Variants in PBX1 observed in about 807,000 individuals in gnomAD.
PBX1 encodes PBX homeobox 1, also known as pre-B-cell leukemia transcription factor 1.
In PBX1, 6 loss-of-function variants were observed where a neutral mutation model predicts 53.4. The ratio of observed to expected loss-of-function variants is 0.11; its 90% CI spans 0.06 to 0.22. The LOEUF (loss-of-function observed/expected upper bound fraction) is 0.22. Ranked by LOEUF, PBX1 falls within the 10% of genes least tolerant of loss-of-function variation. The probability of loss-of-function intolerance (pLI) is 1.00; values close to 1 mark genes in which losing one functional copy is unlikely to be tolerated. For synonymous variants in PBX1, 204 were observed against 212.3 expected (o/e 0.96, Z 0.34); for missense variants, 251 against 551.4 (o/e 0.46, Z 5.46).
At chr1:164,724,268 G>C (rs906103188) in intron 2 of PBX1, among the ~76,000 whole-genome samples, 1 of 152,152 alleles carries the variant, frequency 6.6e-6, no homozygotes, top group Non-Finnish European at 1.5e-5. Context: ...TGAGCTTCCA[G>C]GCCCATGGAT....
chr1:164,736,178 C>A (rs959559652), intron 2 of PBX1, among the ~76,000 whole-genome samples: 1 of 152,216 alleles, frequency 6.6e-6, no homozygotes, highest in Non-Finnish European at 1.5e-5. Flanking sequence ...ACCCTGACTA[C>A]TTCATTACAA....
intron 2 of PBX1, among the ~76,000 whole-genome samples, chr1:164,702,700 G>C (rs550995813): frequency 6.8e-6 from 1 of 147,598 alleles, no homozygotes; most frequent in Non-Finnish European, 1.5e-5. Flanking sequence ...GAGGTGGTTG[G>C]GGGATGGAGA....
chr1:164,650,504 G>C (rs1056247441), intron 2 of PBX1, among the ~76,000 whole-genome samples: 3 of 152,252 alleles, frequency 2.0e-5, no homozygotes, highest in Admixed American at 2.0e-4. Context: ...AGGGTTACAG[G>C]TGTGAACCAC....
intron 1 of PBX1, among the ~76,000 whole-genome samples, chr1:164,561,800 G>A (rs1326010377): frequency 6.6e-6 from 1 of 152,014 alleles, no homozygotes; most frequent in African/African-American, 2.4e-5. Flanking sequence ...TCTGTAGCTG[G>A]CTCCATTTGT....
intron 8 of PBX1, among the ~76,000 whole-genome samples, chr1:164,830,699 A>G (rs1169772057): frequency 2.6e-5 from 4 of 152,308 alleles, no homozygotes; most frequent in Admixed American, 6.5e-5. Context: ...TAGGGCTTAC[A>G]TAAGATAGAG....
intron 2 of PBX1, among the ~76,000 whole-genome samples, chr1:164,620,755 T>A (rs1043029476): frequency 2.6e-5 from 4 of 152,076 alleles, no homozygotes; most frequent in Non-Finnish European, 4.4e-5. Flanking sequence ...CGATCTCGCC[T>A]CACTGCAACC....
At chr1:164,704,219 T>C (rs1371968297) in intron 2 of PBX1, among the ~76,000 whole-genome samples, 1 of 152,196 alleles carries the variant, frequency 6.6e-6, no homozygotes, top group Non-Finnish European at 1.5e-5. Context: ...GGAAATATGA[T>C]AATAACTATA....
intron 2 of PBX1, among the ~76,000 whole-genome samples, chr1:164,709,058 A>G (rs761884080): frequency 6.6e-6 from 1 of 152,166 alleles, no homozygotes; most frequent in Non-Finnish European, 1.5e-5. Context: ...GTGGTGCCAT[A>G]GATACTCTGA....
intron 2 of PBX1, among the ~76,000 whole-genome samples, chr1:164,685,177 AC>A (rs1222786749): frequency 6.6e-6 from 1 of 152,216 alleles, no homozygotes; most frequent in Non-Finnish European, 1.5e-5. Flanking sequence ...TCTAAGTCAT[AC>A]AAAAGCATCA....
At chr1:164,834,061 G>C (rs899392560) in intron 8 of PBX1, among the ~76,000 whole-genome samples, 1 of 149,976 alleles carries the variant, frequency 6.7e-6, no homozygotes, top group South Asian at 2.1e-4. Flanking sequence ...GTGTGTGTGT[G>C]TGTGTGTGTA....
intron 2 of PBX1, among the ~76,000 whole-genome samples, chr1:164,666,894 C>G (rs1660839954): frequency 6.6e-6 from 1 of 152,200 alleles, no homozygotes; most frequent in African/African-American, 2.4e-5. Flanking sequence ...CCCTTTAAGG[C>G]AGGCAATGAT....
chr1:164,627,548 T>C (rs1487850313), intron 2 of PBX1, among the ~76,000 whole-genome samples: 7 of 152,142 alleles, frequency 4.6e-5, no homozygotes, highest in Non-Finnish European at 8.8e-5. Context: ...ACAGGAAAGC[T>C]AGAATATCAG....
At chr1:164,844,240 C>G (rs998358334) in intron 8 of PBX1, among the ~76,000 whole-genome samples, 3 of 151,010 alleles carry the variant, frequency 2.0e-5, no homozygotes, top group Non-Finnish European at 4.4e-5. Context: ...CACTTTGTTT[C>G]CAAATATCTT....
chr1:164,620,854 T>C (rs1005754052), intron 2 of PBX1, among the ~76,000 whole-genome samples: 1 of 151,898 alleles, frequency 6.6e-6, no homozygotes, highest in Non-Finnish European at 1.5e-5. Flanking sequence ...AGCTAATTTT[T>C]ATATTTTGAT....
At chr1:164,645,356 C>G (rs1659391916) in intron 2 of PBX1, among the ~76,000 whole-genome samples, 1 of 152,184 alleles carries the variant, frequency 6.6e-6, no homozygotes, top group Admixed American at 6.5e-5. Flanking sequence ...CCCCCTTGCT[C>G]TCTGGTCCTT....
At chr1:164,646,540 CCTTA>C (rs747047906) in intron 2 of PBX1, among the ~76,000 whole-genome samples, 1 of 152,062 alleles carries the variant, frequency 6.6e-6, no homozygotes, top group Non-Finnish European at 1.5e-5. Context: ...CAAACCGACC[CCTTA>C]CTTCTAATTG....
At chr1:164,717,763 T>C (rs894924193) in intron 2 of PBX1, among the ~76,000 whole-genome samples, 1 of 152,156 alleles carries the variant, frequency 6.6e-6, no homozygotes, top group Admixed American at 6.5e-5. Flanking sequence ...AAAAACAAGT[T>C]AATAGTCATT....
At position 164,849,633 on chromosome 1, in the gene PBX1, T is replaced by C; in HGVS notation, c.*2957T>C. 1.9e-6 allele frequency: 1 copy of C among 521,552 alleles called. No homozygotes were observed. The highest frequency in any genetic ancestry group is 3.3e-6 in the Non-Finnish European group (1 of 305,408). The allele number at this position is 521,552 out of a possible 1,614,324, so 32.3% of individuals were successfully genotyped here. ...TACTAGACCCTGGGTTTGCCCACCT[T>C]GTAACTCTTCCTTATCTCCTCCTTT... On this transcript the variant is annotated 3_prime_UTR_variant, in exon 9 of 9. Transcript: ENST00000420696.
intron 2 of PBX1, among the ~76,000 whole-genome samples, chr1:164,611,167 T>C (rs1346400870): frequency 1.3e-5 from 2 of 152,138 alleles, no homozygotes; most frequent in Non-Finnish European, 2.9e-5. Flanking sequence ...TGCCTTAGAG[T>C]GGGATGTTCA....
Sources: gnomAD v4.1 joint callset for allele counts (sites outside exome capture counted in the v4.1 genomes callset) on GRCh38, gnomAD v4.1.1 for gene constraint, MANE v1.5 for transcripts, NCBI Gene and HGNC (gene_info 2026-07-23, HGNC 2026-07-21) for gene names.